Variants in KCNMA1 observed in about 807,000 individuals in gnomAD.
KCNMA1 encodes potassium calcium-activated channel subfamily M alpha 1.
A neutral mutation model predicts 140.0 loss-of-function variants in KCNMA1; 29 were observed. The ratio of observed to expected loss-of-function variants is 0.21; its 90% CI spans 0.15 to 0.28. KCNMA1 has a LOEUF of 0.28. KCNMA1 is among the 10% of genes least tolerant of loss of function. KCNMA1 has a pLI of 1.00. For synonymous variants in KCNMA1, 612 were observed against 611.9 expected, an observed-to-expected ratio of 1.00 and a Z score of 0.00; for missense variants, 880 against 1,602.2, an observed-to-expected ratio of 0.55 and a Z score of 7.70.
chr10:77,630,219 C>A (rs538038270), intron 1 of KCNMA1, among the ~76,000 whole-genome samples: 17 of 152,318 alleles, frequency 1.1e-4, no homozygotes, highest in African/African-American at 4.1e-4. Context: ...GGAGTGGTCC[C>A]CAGCCAGCCT....
intron 1 of KCNMA1, among the ~76,000 whole-genome samples, chr10:77,471,804 C>T (rs539844416): frequency 1.1e-3 from 161 of 151,930 alleles, no homozygotes; most frequent in Middle Eastern, 3.4e-3. Context: ...CAAATATACA[C>T]GCAGCACACA....
intron 1 of KCNMA1, among the ~76,000 whole-genome samples, chr10:77,463,993 T>C (rs1251759440): frequency 1.3e-5 from 2 of 152,060 alleles, no homozygotes; most frequent in African/African-American, 4.8e-5. Context: ...AGGGCTCTCA[T>C]CAGAAAAACA....
chr10:77,332,143 C>T (rs181030057), intron 2 of KCNMA1, among the ~76,000 whole-genome samples: 26 of 152,034 alleles, frequency 1.7e-4, no homozygotes, highest in African/African-American at 5.3e-4. Flanking sequence ...AGGCTGAGTA[C>T]GCAGGGGTAA....
chr10:77,603,358 C>T (rs557172214), intron 1 of KCNMA1, among the ~76,000 whole-genome samples: 1 of 152,052 alleles, frequency 6.6e-6, no homozygotes, highest in Non-Finnish European at 1.5e-5. Context: ...CAGCAAGGAG[C>T]CCAGGACTGA....
At chr10:77,592,181 A>C (rs1204579807) in intron 1 of KCNMA1, among the ~76,000 whole-genome samples, 1 of 152,228 alleles carries the variant, frequency 6.6e-6, no homozygotes, top group Non-Finnish European at 1.5e-5. Context: ...ATATGCTTTA[A>C]CCATTAGAAA....
chr10:77,539,214 T>C (rs1012031679), intron 1 of KCNMA1, among the ~76,000 whole-genome samples: 1 of 152,210 alleles, frequency 6.6e-6, no homozygotes, highest in African/African-American at 2.4e-5. Context: ...TTATTTGCCA[T>C]TCCCAACTTC....
intron 1 of KCNMA1, among the ~76,000 whole-genome samples, chr10:77,599,856 C>T (rs2082089488): frequency 6.6e-6 from 1 of 152,134 alleles, no homozygotes; most frequent in Non-Finnish European, 1.5e-5. Flanking sequence ...AGCCTGAGCC[C>T]CTGATGGTCC....
intron 1 of KCNMA1, among the ~76,000 whole-genome samples, chr10:77,435,665 A>C (rs1380151863): frequency 6.6e-6 from 1 of 152,236 alleles, no homozygotes. Flanking sequence ...TTCAACATCC[A>C]GGTCCTATAA....
chr10:77,192,361 G>C (rs2154139977), intron 3 of KCNMA1, among the ~76,000 whole-genome samples: 1 of 152,254 alleles, frequency 6.6e-6, no homozygotes, highest in African/African-American at 2.4e-5. Flanking sequence ...TCTGAACTAA[G>C]AGTCTCCTTT....
At chr10:77,471,078 AAC>A (rs969614849) in intron 1 of KCNMA1, among the ~76,000 whole-genome samples, 6 of 151,900 alleles carry the variant, frequency 3.9e-5, no homozygotes, top group Admixed American at 3.9e-4. Context: ...CTACACACAC[AAC>A]ACATATACAA....
chr10:77,622,539 T>C (rs2091657663), intron 1 of KCNMA1, among the ~76,000 whole-genome samples: 1 of 152,220 alleles, frequency 6.6e-6, no homozygotes, highest in South Asian at 2.1e-4. Context: ...CACTGGGTTG[T>C]TGTGAGGATT....
chr10:76,966,609 A>G (rs2074036090), intron 20 of KCNMA1, among the ~76,000 whole-genome samples: 1 of 152,208 alleles, frequency 6.6e-6, no homozygotes, highest in African/African-American at 2.4e-5. Context: ...AGACGTGGCT[A>G]TCCTTACAAG....
intron 25 of KCNMA1, among the ~76,000 whole-genome samples, chr10:76,906,726 T>C (rs990917268): frequency 6.6e-5 from 10 of 152,234 alleles, no homozygotes; most frequent in Non-Finnish European, 1.5e-4. Context: ...TCAATTTATA[T>C]TCATGACAGC....
intron 1 of KCNMA1, among the ~76,000 whole-genome samples, chr10:77,616,469 G>C (rs1385271718): frequency 6.6e-6 from 1 of 152,194 alleles, no homozygotes; most frequent in African/African-American, 2.4e-5. Flanking sequence ...ACAACCCCAG[G>C]CAGCAGGAGG....
intron 1 of KCNMA1, among the ~76,000 whole-genome samples, chr10:77,412,658 G>C (rs1273726506): frequency 6.6e-6 from 1 of 152,192 alleles, no homozygotes; most frequent in Non-Finnish European, 1.5e-5. Flanking sequence ...GGTGCCCCAG[G>C]GGGGCTGGTT....
chr10:77,440,588 G>A (rs1310393500), intron 1 of KCNMA1, among the ~76,000 whole-genome samples: 3 of 152,122 alleles, frequency 2.0e-5, no homozygotes, highest in Admixed American at 1.3e-4. Context: ...AGATAATAGT[G>A]GGAAAGATGC....
At chr10:76,983,725 T>TA (rs563879219) in intron 19 of KCNMA1, among the ~76,000 whole-genome samples, 3,821 of 136,838 alleles carry the variant, frequency 0.028, 118 homozygotes, top group African/African-American at 0.073. Context: ...AGACACTGTT[T>TA]AAAAAAAAAA....
chr10:77,406,009 T>C (rs963710397), intron 1 of KCNMA1, among the ~76,000 whole-genome samples: 1 of 152,136 alleles, frequency 6.6e-6, no homozygotes, highest in African/African-American at 2.4e-5. Flanking sequence ...TGGACGCTAA[T>C]ATTTTCTTTC....
chr10:77,548,283 T>C (rs2061917824), intron 1 of KCNMA1, among the ~76,000 whole-genome samples: 1 of 152,182 alleles, frequency 6.6e-6, no homozygotes, highest in South Asian at 2.1e-4. Flanking sequence ...CAAACCAACA[T>C]GCCTGGTGCA....
Sources: allele counts gnomAD v4.1 joint callset (sites outside exome capture counted in the v4.1 genomes callset), GRCh38; gene constraint gnomAD v4.1.1; transcripts MANE v1.5; gene names NCBI Gene and HGNC (gene_info 2026-07-23, HGNC 2026-07-21).